Variants in KNTC1 observed in about 807,000 individuals in gnomAD.
KNTC1 encodes the protein kinetochore-associated protein 1.
Under a neutral mutation model 314.4 loss-of-function variants are expected in KNTC1, and 253 were observed. That is an observed-to-expected ratio of 0.80 (90% CI 0.73 to 0.89). The LOEUF is 0.89. Among genes scored for constraint, KNTC1 ranks in the 40% least tolerant of loss-of-function variants. KNTC1 has a pLI of 0.00. For missense variants in KNTC1, 2,475 were observed against 2,572.9 expected (o/e 0.96, Z 0.82); for synonymous variants, 901 against 901.4 (o/e 1.00, Z 0.01).
rs1036503193 is a variant in KNTC1 at position 122,602,499 on chromosome 12, A to C, written c.4654-70A>C. On this transcript the variant is annotated intron_variant, in intron 45 of 63. Coordinates refer to ENST00000333479, the MANE Select transcript of KNTC1 (RefSeq NM_014708.6). ...GAATGGAAACTTTTGATGGTATACT[A>C]TTAGATGATTTTATGACAGTTTAGG... 3.2e-6 allele frequency: 3 copies of C among 931,952 alleles called. No individual in the cohort carries two copies. The African/African-American group carries it at 5.0e-5, about 16-fold the overall frequency. 57.7% of individuals were successfully genotyped at this position (931,952 alleles called of 1,614,324 possible). A position where few individuals can be genotyped will look rare whatever the true frequency, so the allele number is the denominator to read the frequency against.
chr12:122,564,403 T>C (rs1964169679), intron 20 of KNTC1, among the ~76,000 whole-genome samples: 1 of 152,192 alleles, frequency 6.6e-6, no homozygotes, highest in South Asian at 2.1e-4. Flanking sequence ...AATTATAGAA[T>C]CGTATAAAAA....
At chr12:122,592,456 C>T (rs1418887193) in intron 42 of KNTC1, among the ~76,000 whole-genome samples, 6 of 152,176 alleles carry the variant, frequency 3.9e-5, no homozygotes, top group African/African-American at 1.2e-4. Flanking sequence ...GCCCTTGGTG[C>T]GGGATCCACT....
rs766670498 is a variant in KNTC1, at chr12:122,618,302, T to C, written c.6031-41T>C. 5 of 1,588,846 alleles carry C rather than the reference T, an allele frequency of 3.1e-6. No homozygotes were observed. The East Asian group carries it at 1.1e-4, about 36-fold the overall frequency. ...TGCAAATTAAAGAGAGTTTGTAATA[T>C]CCTTAACATGAATATCCCAAACGTG... is the stretch of plus-strand genomic sequence containing the variant. On this transcript the variant is annotated intron_variant, in intron 57 of 63. Coordinates refer to ENST00000333479, the MANE Select transcript of KNTC1 (RefSeq NM_014708.6).
intron 5 of KNTC1, among the ~76,000 whole-genome samples, chr12:122,540,076 G>A (rs557644007): frequency 2.6e-5 from 4 of 151,936 alleles, no homozygotes; most frequent in South Asian, 2.1e-4. Context: ...GAGCCACTGC[G>A]CCCAGCCTGA....
intron 13 of KNTC1, among the ~76,000 whole-genome samples, chr12:122,550,443 A>T (rs1157281770): frequency 6.6e-6 from 1 of 151,294 alleles, no homozygotes; most frequent in Non-Finnish European, 1.5e-5. Flanking sequence ...CTTTAAAGCT[A>T]TTTTTTTTTC....
At chr12:122,590,580 G>T (rs1352243330) in intron 40 of KNTC1, 27 bp from the exon 41 acceptor site, 2 of 1,576,504 alleles carry the variant, frequency 1.3e-6, no homozygotes, top group Non-Finnish European at 1.7e-6. Flanking sequence ...TGAAGAATTT[G>T]CTTCTTTTGC....
Position 122,527,281 on chromosome 12 carries a change from A to T in KNTC1, c.-144A>T, listed in dbSNP as rs1298983509. 9.0e-6 allele frequency: 2 copies of T among 223,252 alleles called. No homozygotes were observed. The highest frequency in any genetic ancestry group is 2.5e-4 in the East Asian group (2 of 7,978). 13.8% of individuals were successfully genotyped at this position (223,252 alleles called of 1,614,324 possible). A position where few individuals can be genotyped will look rare whatever the true frequency, so the allele number is the denominator to read the frequency against. ...GCCTGTGGCATGGAACCTAAAGACT[A>T]GAGGCGGTTGTGTGAGTCAGGAAGA... On this transcript the variant is annotated 5_prime_UTR_variant, in exon 1 of 64. An upstream open reading frame in the 5' UTR loses its in-frame stop. Transcript: ENST00000333479.
At chr12:122,607,824 T>G (rs1872708510) in intron 51 of KNTC1, among the ~76,000 whole-genome samples, 1 of 152,210 alleles carries the variant, frequency 6.6e-6, no homozygotes, top group East Asian at 1.9e-4. Context: ...CTGCTAATGT[T>G]TCTTGTGATT....
chr12:122,574,340 C>G lies in KNTC1; in HGVS notation c.2342C>G (p.Ala781Gly). Reference protein sequence around the residue: ...STSLFETAWEAKAMAVIACLS... With the variant: ...STSLFETAWEGKAMAVIACLS... Reference sequence around the variant, plus strand: ...TCACTCTTTGAAACAGCATGGGAAGCAAAGGCCATGGCAGTAATAGCGTGT... The same window carrying G: ...TCACTCTTTGAAACAGCATGGGAAGGAAAGGCCATGGCAGTAATAGCGTGT... The change falls in exon 27 of 64, where the codon GCA becomes GGA. Residue 781 changes from alanine (A) to glycine (G), a missense_variant. Physicochemically the swap from Ala to Gly is moderately conservative, Grantham distance 60 (BLOSUM62 0). Transcript: ENST00000333479. The G allele has an allele frequency of 1.2e-6, 2 of 1,611,530 alleles. No individual in the cohort carries two copies. The highest frequency in any genetic ancestry group is 1.7e-6 in the Non-Finnish European group (2 of 1,178,348).
At position 122,573,166 on chromosome 12, in the gene KNTC1, C is replaced by G. The variant is rs201331566; in HGVS notation, c.2164C>G (p.Arg722Gly). Residue 722 changes from arginine (R) to glycine (G), a missense_variant, in exon 26 of 64, where the codon CGA becomes GGA. Arg to Gly is a moderately radical substitution (Grantham distance 125). Transcript: ENST00000333479. ...EKENTTTIVF[R>G]MFDKVLAPEL... ...GGAAAATACAACCACCATAGTGTTC[C>G]GAATGTTTGATAAAGTGCTGGCCCC... 2 of 1,613,664 alleles carry G rather than the reference C, an allele frequency of 1.2e-6. No homozygotes were observed. Among genetic ancestry groups the G allele is most frequent in the African/African-American group, 1.3e-5 (1 of 74,872 alleles).
At chr12:122,621,235 G>A (rs1874397116) in intron 60 of KNTC1, among the ~76,000 whole-genome samples, 1 of 152,184 alleles carries the variant, frequency 6.6e-6, no homozygotes, top group Non-Finnish European at 1.5e-5. Context: ...CTTTATAATA[G>A]AGAACAAGTA....
chr12:122,543,752 A>G, intron 7 of KNTC1, 118 bp downstream of exon 7: 1 of 632,954 alleles, frequency 1.6e-6, no homozygotes, highest in South Asian at 2.4e-5. Flanking sequence ...TTATGATATA[A>G]CATTTTAATA....
intron 48 of KNTC1, among the ~76,000 whole-genome samples, chr12:122,604,059 A>G (rs548772027): frequency 6.6e-6 from 1 of 152,242 alleles, no homozygotes; most frequent in South Asian, 2.1e-4. Flanking sequence ...GTTAAGATGC[A>G]CATGCATGCA....
At position 122,613,764 on chromosome 12, in the gene KNTC1, AGG is replaced by A. The variant is rs766274526; in HGVS notation, c.5877+4_5877+5del. On this transcript the variant is annotated splice_donor_5th_base_variant and intron_variant, in intron 55 of 63. Coordinates refer to ENST00000333479, the MANE Select transcript of KNTC1 (RefSeq NM_014708.6). ...AAAACCACAGCCACGAGTCCATGGT[AGG>A]TACACCTCACTGCCCCATTCCCAAT... 7.3e-5 allele frequency: 117 copies of A among 1,603,884 alleles called. No individual in the cohort carries two copies. The highest frequency in any genetic ancestry group is 1.0e-5 in the Non-Finnish European group (12 of 1,176,768).
chr12:122,550,169 A>ACATATTTATGTAACTAATTTT (rs147775094), intron 13 of KNTC1, among the ~76,000 whole-genome samples: 67,805 of 151,472 alleles, frequency 0.45, 17,508 homozygotes, highest in African/African-American at 0.72. Context: ...TATTGCTGTT[A>ACATATTTATGTAACTAATTTT]CATATTTATG....
At chr12:122,533,928 T>C (rs11615433) in intron 2 of KNTC1, among the ~76,000 whole-genome samples, 16,179 of 150,600 alleles carry the variant, frequency 0.11, 1,240 homozygotes, top group Middle Eastern at 0.18. Context: ...ACCTTGTAGG[T>C]ATTATTATTG....
chr12:122,569,342 A>T (rs1344731750), intron 21 of KNTC1, among the ~76,000 whole-genome samples: 1 of 152,204 alleles, frequency 6.6e-6, no homozygotes, highest in East Asian at 1.9e-4. Context: ...GTTGGTATAG[A>T]ACATTAGATC....
intron 16 of KNTC1, 94 bp from the exon 17 acceptor site, chr12:122,557,290 A>G: frequency 8.5e-7 from 1 of 1,181,532 alleles, no homozygotes; most frequent in Non-Finnish European, 1.2e-6. Flanking sequence ...CACCTTTTTG[A>G]AGTAGTTTGT....
At chr12:122,553,403 C>A (rs1052034346) in intron 16 of KNTC1, among the ~76,000 whole-genome samples, 12 of 152,018 alleles carry the variant, frequency 7.9e-5, no homozygotes, top group Non-Finnish European at 1.5e-4. Flanking sequence ...GCTGGTAGTC[C>A]TAGCTGCTCG....
Sources: gnomAD v4.1 joint callset for allele counts (sites outside exome capture counted in the v4.1 genomes callset) on GRCh38, gnomAD v4.1.1 for gene constraint, MANE v1.5 for transcripts, NCBI Gene and HGNC (gene_info 2026-07-23, HGNC 2026-07-21) for gene names.